The following LRRC37A2 variants were observed in gnomAD, a reference collection of about 807,000 sequenced individuals.
The protein encoded by LRRC37A2 is leucine rich repeat containing 37 member A2.
LRRC37A2 carries 9 observed loss-of-function variants against 68.8 expected under a neutral mutation model. The observed-to-expected ratio is 0.13, with a 90% CI of 0.08 to 0.23. The LOEUF (loss-of-function observed/expected upper bound fraction) is 0.23. Among genes scored for constraint, LRRC37A2 ranks in the 10% least tolerant of loss-of-function variants. The pLI, the probability that LRRC37A2 is intolerant of heterozygous loss-of-function variation, is 1.00. For missense variants in LRRC37A2, 168 were observed against 950.4 expected (o/e 0.18, Z 10.82); for synonymous variants, 63 against 367.6 (o/e 0.17, Z 9.48).
the LRRC37A2 span, among the ~76,000 whole-genome samples, chr17:46,487,565 CTCTT>C: frequency 1.3e-5 from 1 of 75,202 alleles, no homozygotes; most frequent in African/African-American, 5.0e-5. Flanking sequence ...CTCTCTCTCT[CTCTT>C]TCTCTTCCTT....
the LRRC37A2 span, among the ~76,000 whole-genome samples, chr17:46,722,469 A>G: frequency 6.6e-6 from 1 of 152,132 alleles, no homozygotes; most frequent in Non-Finnish European, 1.5e-5. Context: ...CTTTCTTTCC[A>G]GTACCTCTCC....
chr17:46,923,975 G>A, the LRRC37A2 span: 817 of 397,468 alleles, frequency 2.1e-3, 1 homozygote, highest in Non-Finnish European at 3.1e-3. Flanking sequence ...ATTTTTTATT[G>A]TAAAATATAC....
chr17:46,962,283 T>G, the LRRC37A2 span, among the ~76,000 whole-genome samples: 2 of 151,026 alleles, frequency 1.3e-5, no homozygotes, highest in East Asian at 3.9e-4. Flanking sequence ...GAGCCGAGAT[T>G]GCGCCACTGC....
At chr17:46,963,593 A>G in the LRRC37A2 span, 2 of 151,814 alleles carry the variant, frequency 1.3e-5, no homozygotes, top group Non-Finnish European at 2.9e-5. Context: ...ATTTTATTAT[A>G]GTTTGGACAC....
the LRRC37A2 span, chr17:46,941,097 T>C: frequency 0.5 from 512,761 of 1,034,538 alleles, 127,354 homozygotes; most frequent in East Asian, 0.55. Context: ...GGTGTGCCTA[T>C]TGTGATTTAA....
the LRRC37A2 span, among the ~76,000 whole-genome samples, chr17:47,013,349 C>T: frequency 6.6e-6 from 1 of 152,204 alleles, no homozygotes; most frequent in African/African-American, 2.4e-5. Flanking sequence ...TTCTATGATA[C>T]ATGAATTATA....
the LRRC37A2 span, among the ~76,000 whole-genome samples, chr17:46,797,494 G>T: frequency 4.6e-5 from 7 of 152,258 alleles, no homozygotes; most frequent in African/African-American, 1.7e-4. Flanking sequence ...GAGTGGGCTT[G>T]CCTCGGGCGG....
chr17:46,939,920 C>A, the LRRC37A2 span: 2 of 999,482 alleles, frequency 2.0e-6, no homozygotes, highest in Admixed American at 5.2e-5. Flanking sequence ...TGTATGTTCT[C>A]ATTTACCACA....
At chr17:46,947,579 G>A in the LRRC37A2 span, among the ~76,000 whole-genome samples, 1 of 152,192 alleles carries the variant, frequency 6.6e-6, no homozygotes, top group East Asian at 1.9e-4. Flanking sequence ...TGTGATGGGG[G>A]TGGTGGGATG....
chr17:46,902,005 GC>G, the LRRC37A2 span, among the ~76,000 whole-genome samples: 1 of 151,908 alleles, frequency 6.6e-6, no homozygotes, highest in African/African-American at 2.4e-5. Flanking sequence ...ACAGGGTTTT[GC>G]CATGTTGGCC....
the LRRC37A2 span, among the ~76,000 whole-genome samples, chr17:46,888,855 C>A: frequency 1.3e-5 from 2 of 152,184 alleles, no homozygotes; most frequent in Non-Finnish European, 2.9e-5. Context: ...TGATTAAATC[C>A]TTGACCTCAC....
chr17:46,667,374 T>C, the LRRC37A2 span, among the ~76,000 whole-genome samples: 1 of 147,706 alleles, frequency 6.8e-6, no homozygotes, highest in Admixed American at 6.9e-5. Flanking sequence ...ACACTGTCCT[T>C]TAACCTGAGA....
chr17:46,784,440 G>A, the LRRC37A2 span, among the ~76,000 whole-genome samples: 2 of 152,016 alleles, frequency 1.3e-5, no homozygotes, highest in Non-Finnish European at 2.9e-5. Flanking sequence ...TATACTTTAG[G>A]CCCCATCTTG....
At chr17:46,852,019 G>A in the LRRC37A2 span, among the ~76,000 whole-genome samples, 3 of 151,954 alleles carry the variant, frequency 2.0e-5, no homozygotes, top group Admixed American at 1.3e-4. Flanking sequence ...CCCTGGCCCC[G>A]TCCGCCCCGG....
chr17:46,955,508 CA>C, the LRRC37A2 span: 1 of 152,146 alleles, frequency 6.6e-6, no homozygotes, highest in Non-Finnish European at 1.5e-5. Flanking sequence ...CAGAGCCCCC[CA>C]AATTCTTATC....
chr17:46,857,630 G>C, the LRRC37A2 span, among the ~76,000 whole-genome samples: 1 of 152,124 alleles, frequency 6.6e-6, no homozygotes, highest in Non-Finnish European at 1.5e-5. Flanking sequence ...TGGATCAGAT[G>C]GTTGATATAT....
At chr17:46,851,809 T>C in the LRRC37A2 span, 1 of 639,136 alleles carries the variant, frequency 1.6e-6, no homozygotes, top group Non-Finnish European at 2.2e-6. This position sits in a 1 kb window ranked among gnomAD's most constrained non-coding sequence, Gnocchi z 4.3. Context: ...CCGCTGTCCT[T>C]GGCCCCGCCG....
At chr17:46,872,570 C>T in the LRRC37A2 span, 6 of 1,598,166 alleles carry the variant, frequency 3.8e-6, no homozygotes, top group Non-Finnish European at 5.1e-6. Context: ...ACTGCGGCAG[C>T]CCCGGCACAG....
the LRRC37A2 span, among the ~76,000 whole-genome samples, chr17:46,739,272 G>A: frequency 6.6e-6 from 1 of 150,946 alleles, no homozygotes; most frequent in Non-Finnish European, 1.5e-5. Flanking sequence ...TCAGGAGGCT[G>A]AGGCAGGAGA....
Sources: gnomAD v4.1 joint callset for allele counts (sites outside exome capture counted in the v4.1 genomes callset) on GRCh38, gnomAD v4.1.1 for gene constraint, Gnocchi (gnomAD v3.1) non-coding constraint, MANE v1.5 for transcripts, NCBI Gene and HGNC (gene_info 2026-07-23, HGNC 2026-07-21) for gene names.